Variants in KLF12 observed in about 807,000 individuals in gnomAD.
KLF12 encodes KLF transcription factor 12.
A neutral mutation model predicts 37.8 loss-of-function variants in KLF12; 9 were observed. The observed-to-expected ratio is 0.24, with a 90% CI of 0.14 to 0.42. The LOEUF (loss-of-function observed/expected upper bound fraction) is 0.42, where lower values mean the gene tolerates loss of function less well. Among genes scored for constraint, KLF12 ranks in the 10% least tolerant of loss-of-function variants. The pLI is 1.00. For synonymous variants in KLF12, 208 were observed against 202.1 expected, an observed-to-expected ratio of 1.03 and a Z score of -0.25; for missense variants, 411 against 516.0, an observed-to-expected ratio of 0.80 and a Z score of 1.97.
intron 3 of KLF12, among the ~76,000 whole-genome samples, chr13:73,853,024 C>T (rs1338568943): frequency 6.6e-6 from 1 of 151,778 alleles, no homozygotes; most frequent in African/African-American, 2.4e-5. Context: ...CGCCCGCCAC[C>T]ATGCGGCTAA....
rs146639146 is a variant in KLF12, at chr13:73,854,068, A to C, written c.124-7695T>G. ...TCACAAAGCACACAAAAATGTCTTA[A>C]AAATAAAGAGGTAACTATTATAGGG... On this transcript the variant is annotated intron_variant, in intron 3 of 7. Transcript: ENST00000377669. 2.5e-3 allele frequency among the ~76,000 whole-genome samples: 375 copies of C among 152,346 alleles called. 2 individuals are homozygous for C. The highest frequency in any genetic ancestry group is 8.4e-3 in the African/African-American group (351 of 41,582).
intron 1 of KLF12, among the ~76,000 whole-genome samples, chr13:74,077,406 G>A (rs1748419278): frequency 6.6e-6 from 1 of 151,942 alleles, no homozygotes; most frequent in African/African-American, 2.4e-5. Context: ...AAAGAATTAT[G>A]GCTTCAACCT....
At chr13:74,054,223 G>A (rs1331869751) in intron 1 of KLF12, among the ~76,000 whole-genome samples, 1 of 152,160 alleles carries the variant, frequency 6.6e-6, no homozygotes, top group Non-Finnish European at 1.5e-5. Context: ...TGACAGGCTT[G>A]TGAAGGCCAC....
intron 3 of KLF12, among the ~76,000 whole-genome samples, chr13:73,853,474 G>A (rs907128982): frequency 6.6e-6 from 1 of 152,064 alleles, no homozygotes; most frequent in Admixed American, 6.6e-5. Context: ...CAGGCGTGGT[G>A]GTTTACACCT....
At chr13:74,040,166 A>G (rs1893362825) in intron 1 of KLF12, among the ~76,000 whole-genome samples, 1 of 152,248 alleles carries the variant, frequency 6.6e-6, no homozygotes. Flanking sequence ...GGTTATTAAT[A>G]AACAGGACAG....
chr13:74,033,214 G>A (rs1893160071), intron 1 of KLF12, among the ~76,000 whole-genome samples: 1 of 152,128 alleles, frequency 6.6e-6, no homozygotes, highest in Non-Finnish European at 1.5e-5. Context: ...CTCAGACTCT[G>A]CAAAAAGTAT....
intron 5 of KLF12, among the ~76,000 whole-genome samples, chr13:73,772,241 T>C (rs1343647029): frequency 6.6e-6 from 1 of 152,228 alleles, no homozygotes; most frequent in African/African-American, 2.4e-5. Flanking sequence ...TGCCAGGCAC[T>C]GTTCTAAGTT....
intron 3 of KLF12, among the ~76,000 whole-genome samples, chr13:73,898,109 T>TACATAGTAATCTC (rs1163733139): frequency 3.3e-5 from 5 of 152,178 alleles, no homozygotes; most frequent in Admixed American, 3.3e-4. Context: ...TAGATTTCAC[T>TACATAGTAATCTC]TCCTCTAGGA....
chr13:74,079,629 A>G (rs1018923823), intron 1 of KLF12, among the ~76,000 whole-genome samples: 2 of 152,204 alleles, frequency 1.3e-5, no homozygotes, highest in African/African-American at 4.8e-5. Flanking sequence ...TTGCTGAGAT[A>G]GCGCTTCACA....
intron 3 of KLF12, among the ~76,000 whole-genome samples, chr13:73,881,904 G>A (rs1014456343): frequency 4.6e-5 from 7 of 151,980 alleles, no homozygotes; most frequent in Non-Finnish European, 8.8e-5. Context: ...TCTATATAAC[G>A]TTAACAAAAC....
At chr13:73,873,809 T>C (rs996938702) in intron 3 of KLF12, among the ~76,000 whole-genome samples, 1 of 152,290 alleles carries the variant, frequency 6.6e-6, no homozygotes, top group African/African-American at 2.4e-5. Flanking sequence ...TATGTATTAA[T>C]ATGTTTTAAA....
chr13:74,129,836 G>GA (rs1376959021), intron 1 of KLF12, among the ~76,000 whole-genome samples: 29 of 152,126 alleles, frequency 1.9e-4, no homozygotes, highest in Non-Finnish European at 4.1e-4. Context: ...ACCCAAAACG[G>GA]AAAAATCCTT....
At chr13:73,804,682 C>G (rs1882467106) in intron 5 of KLF12, among the ~76,000 whole-genome samples, 1 of 152,194 alleles carries the variant, frequency 6.6e-6, no homozygotes, top group Non-Finnish European at 1.5e-5. Context: ...AAAGAGCAAT[C>G]TAACAGCATT....
At chr13:74,135,832 A>G (rs896997595), upstream of KLF12, among the ~76,000 whole-genome samples, 2 of 152,100 alleles carry the variant, frequency 1.3e-5, no homozygotes, top group Admixed American at 1.3e-4. Flanking sequence ...GAAACAAGGG[A>G]GAGGCCGAGA....
intron 1 of KLF12, among the ~76,000 whole-genome samples, chr13:74,000,873 T>C (rs1057303154): frequency 2.0e-5 from 3 of 152,226 alleles, no homozygotes; most frequent in African/African-American, 7.2e-5. Flanking sequence ...GTACTCAATA[T>C]AATGGTTTGA....
the KLF12 span, among the ~76,000 whole-genome samples, chr13:74,275,807 C>CT: frequency 2.6e-4 from 13 of 50,314 alleles, no homozygotes; most frequent in South Asian, 8.6e-3. Flanking sequence ...TCTTTCTTTC[C>CT]TTCTTTCTTT....
chr13:73,728,680 C>A (rs568108807), intron 6 of KLF12, among the ~76,000 whole-genome samples: 1 of 152,262 alleles, frequency 6.6e-6, no homozygotes, highest in East Asian at 1.9e-4. Context: ...TCAAGATAAA[C>A]GTGGTTTTCT....
chr13:74,204,607 A>G, the KLF12 span, among the ~76,000 whole-genome samples: 1 of 152,000 alleles, frequency 6.6e-6, no homozygotes, highest in Non-Finnish European at 1.5e-5. Context: ...TTTGAGGAGG[A>G]TTTATTGCAG....
the KLF12 span, among the ~76,000 whole-genome samples, chr13:74,252,327 C>T: frequency 1.3e-5 from 2 of 152,188 alleles, no homozygotes; most frequent in Admixed American, 6.5e-5. Flanking sequence ...GTGACTGCTG[C>T]AGGGCCTGCC....
Sources: gnomAD v4.1 joint callset for allele counts (sites outside exome capture counted in the v4.1 genomes callset) on GRCh38, gnomAD v4.1.1 for gene constraint, MANE v1.5 for transcripts, NCBI Gene and HGNC (gene_info 2026-07-23, HGNC 2026-07-21) for gene names.